The following KCNT2 variants were observed in gnomAD, a reference collection of about 807,000 sequenced individuals.
KCNT2 encodes the protein potassium sodium-activated channel subfamily T member 2.
Under a neutral mutation model 153.8 loss-of-function variants are expected in KCNT2, and 67 were observed. The ratio of observed to expected loss-of-function variants is 0.44; its 90% CI spans 0.36 to 0.53. KCNT2 has a LOEUF of 0.53. Among genes scored for constraint, KCNT2 ranks in the 20% least tolerant of loss-of-function variants. The pLI is 0.00. For missense variants in KCNT2, 975 were observed against 1,354.8 expected, an observed-to-expected ratio of 0.72 and a Z score of 4.40; for synonymous variants, 500 against 458.8, an observed-to-expected ratio of 1.09 and a Z score of -1.15.
At chr1:196,308,173 C>T (rs569548374) in intron 21 of KCNT2, among the ~76,000 whole-genome samples, 129 of 151,914 alleles carry the variant, frequency 8.5e-4, no homozygotes, top group African/African-American at 1.5e-3. Flanking sequence ...TTTTTCTCTC[C>T]GATGGGTAAC....
At chr1:196,583,421 G>A (rs996781095) in intron 1 of KCNT2, among the ~76,000 whole-genome samples, 2 of 151,968 alleles carry the variant, frequency 1.3e-5, no homozygotes, top group Admixed American at 1.3e-4. Context: ...GACACCCAGT[G>A]GAAAGCAGTC....
chr1:196,546,613 A>G (rs1277738924), intron 1 of KCNT2, among the ~76,000 whole-genome samples: 1 of 152,090 alleles, frequency 6.6e-6, no homozygotes, highest in Non-Finnish European at 1.5e-5. Flanking sequence ...GTATAAAAGG[A>G]AAAACCTAAG....
intron 26 of KCNT2, among the ~76,000 whole-genome samples, chr1:196,243,162 A>T (rs1655108048): frequency 6.6e-6 from 1 of 152,262 alleles, no homozygotes. Context: ...TCTCTTAGCT[A>T]TGCTTTTGTG....
intron 14 of KCNT2, among the ~76,000 whole-genome samples, chr1:196,344,719 C>A (rs1665986802): frequency 6.6e-6 from 1 of 152,052 alleles, no homozygotes; most frequent in African/African-American, 2.4e-5. Flanking sequence ...CAGGGGAACA[C>A]AATGTGGTAA....
intron 25 of KCNT2, among the ~76,000 whole-genome samples, chr1:196,265,829 C>T (rs1571847399): frequency 1.3e-5 from 2 of 152,242 alleles, no homozygotes; most frequent in Admixed American, 6.5e-5. Context: ...GTGGCATACC[C>T]AAGAGGTTAA....
rs550149978 is a variant in KCNT2 at position 196,368,978 on chromosome 1, CCT to C, written c.1403+4160_1403+4161del. ...AGTGAGGAGATTTTCTTTTTTTCCC[CCT>C]CTCTCTTTTCTACACTCATATCTAA... On this transcript the variant is annotated intron_variant, in intron 14 of 27. Coordinates refer to ENST00000294725, the MANE Select transcript of KCNT2 (RefSeq NM_198503.5). Among the ~76,000 whole-genome samples, 198 of 152,032 alleles carry C rather than the reference CCT, an allele frequency of 1.3e-3. 1 individual carries two copies. Among genetic ancestry groups the C allele is most frequent in the African/African-American group, 4.5e-3 (188 of 41,484 alleles).
intron 1 of KCNT2, among the ~76,000 whole-genome samples, chr1:196,499,947 C>G (rs1680538596): frequency 6.6e-6 from 1 of 151,950 alleles, no homozygotes; most frequent in Non-Finnish European, 1.5e-5. Flanking sequence ...AGTTCTAGAC[C>G]AGCCTGGCTA....
At chr1:196,366,347 T>G (rs1256086062) in intron 14 of KCNT2, among the ~76,000 whole-genome samples, 1 of 151,784 alleles carries the variant, frequency 6.6e-6, no homozygotes, top group Admixed American at 6.6e-5. Context: ...TTAGTAGAGA[T>G]GGGGTTTCTC....
intron 1 of KCNT2, among the ~76,000 whole-genome samples, chr1:196,501,488 G>A (rs1462018377): frequency 6.6e-6 from 1 of 152,152 alleles, no homozygotes; most frequent in Non-Finnish European, 1.5e-5. Flanking sequence ...AAATAACCTA[G>A]AAACAGAAAG....
intron 1 of KCNT2, among the ~76,000 whole-genome samples, chr1:196,505,873 G>C (rs933379546): frequency 7.9e-5 from 12 of 151,966 alleles, no homozygotes; most frequent in African/African-American, 2.9e-4. Flanking sequence ...ACTCATGATT[G>C]GTTCTCTGTT....
At chr1:196,435,032 G>A (rs1392642156) in intron 8 of KCNT2, among the ~76,000 whole-genome samples, 1 of 150,158 alleles carries the variant, frequency 6.7e-6, no homozygotes, top group Non-Finnish European at 1.5e-5. Context: ...AATCTGCCCT[G>A]GAAATCAACC....
intron 13 of KCNT2, among the ~76,000 whole-genome samples, chr1:196,398,333 C>A (rs1274077785): frequency 6.6e-6 from 1 of 151,380 alleles, no homozygotes; most frequent in Non-Finnish European, 1.5e-5. Context: ...TGTTAAGGTA[C>A]TAAAATCACC....
chr1:196,314,310 A>G (rs987010828), intron 21 of KCNT2, among the ~76,000 whole-genome samples: 4 of 151,600 alleles, frequency 2.6e-5, no homozygotes, highest in Non-Finnish European at 4.4e-5. Flanking sequence ...ATCAAAAAGC[A>G]TGATTTTTAC....
intron 1 of KCNT2, among the ~76,000 whole-genome samples, chr1:196,596,376 A>T (rs954778709): frequency 2.0e-5 from 3 of 152,084 alleles, no homozygotes; most frequent in African/African-American, 7.3e-5. Context: ...TTTTCACCAC[A>T]TCCAAGCCAA....
chr1:196,419,311 T>G (rs1673001079), intron 12 of KCNT2, among the ~76,000 whole-genome samples: 1 of 135,524 alleles, frequency 7.4e-6, no homozygotes, highest in Non-Finnish European at 1.6e-5. Context: ...TATCTCCTAA[T>G]GCTATCCCTC....
intron 4 of KCNT2, among the ~76,000 whole-genome samples, chr1:196,479,755 C>T (rs1036856237): frequency 3.3e-5 from 5 of 152,160 alleles, no homozygotes; most frequent in Non-Finnish European, 7.4e-5. Context: ...TGACTGTCCA[C>T]CACAGATAAC....
intron 14 of KCNT2, among the ~76,000 whole-genome samples, chr1:196,361,151 T>C (rs1667585288): frequency 6.6e-6 from 1 of 151,768 alleles, no homozygotes; most frequent in Admixed American, 6.6e-5. Flanking sequence ...AAGAACCGGT[T>C]GAGTTAGCCA....
intron 1 of KCNT2, among the ~76,000 whole-genome samples, chr1:196,542,260 A>G (rs894328918): frequency 2.0e-5 from 3 of 152,176 alleles, no homozygotes; most frequent in African/African-American, 7.2e-5. Context: ...TTACTTTTTA[A>G]GAACTGACCC....
intron 1 of KCNT2, among the ~76,000 whole-genome samples, chr1:196,546,974 A>G (rs1657183501): frequency 6.6e-6 from 1 of 151,960 alleles, no homozygotes; most frequent in African/African-American, 2.4e-5. Flanking sequence ...GTAATCTGAG[A>G]TTTTTCCATG....
Sources: allele counts gnomAD v4.1 joint callset (sites outside exome capture counted in the v4.1 genomes callset), GRCh38; gene constraint gnomAD v4.1.1; transcripts MANE v1.5; gene names NCBI Gene and HGNC (gene_info 2026-07-23, HGNC 2026-07-21).